The following EPS15 variants were observed in gnomAD, a reference collection of about 807,000 sequenced individuals.
EPS15 encodes epidermal growth factor receptor substrate 15.
EPS15 carries 72 observed loss-of-function variants against 113.8 expected under a neutral mutation model. That is an observed-to-expected ratio of 0.63 (90% CI 0.52 to 0.77). EPS15 has a LOEUF of 0.77. Ranked by LOEUF, EPS15 falls within the 30% of genes least tolerant of loss-of-function variation. The pLI is 0.00. For synonymous variants in EPS15, 344 were observed against 363.4 expected, an observed-to-expected ratio of 0.95 and a Z score of 0.61; for missense variants, 1,048 against 1,045.8, an observed-to-expected ratio of 1.00 and a Z score of -0.03.
At chr1:51,418,673 T>G (rs760192634) in intron 13 of EPS15, among the ~76,000 whole-genome samples, 1 of 151,974 alleles carries the variant, frequency 6.6e-6, no homozygotes, top group Non-Finnish European at 1.5e-5. Flanking sequence ...AATAAAGAGA[T>G]GATTGTAGGG....
chr1:51,482,483 G>GT (rs1174283397), intron 1 of EPS15, among the ~76,000 whole-genome samples: 2 of 152,088 alleles, frequency 1.3e-5, no homozygotes, highest in Non-Finnish European at 2.9e-5. Flanking sequence ...CCATTGTAGA[G>GT]TAAAAAAAAA....
chr1:51,459,690 C>T lies in EPS15; in HGVS notation c.561+1401G>A, dbSNP rs186619534. Among the ~76,000 whole-genome samples, 30 of 151,884 alleles carry T rather than the reference C, an allele frequency of 2.0e-4. No individual in the cohort carries two copies. The East Asian group carries it at 4.5e-3, about 23-fold the overall frequency. ...TAGACTATATTTTTCTAGTTATAAT[C>T]CAATCAGGTTGAAAGTATACATCAA... On this transcript the variant is annotated intron_variant, in intron 8 of 24. Transcript: ENST00000371733.
intron 20 of EPS15, among the ~76,000 whole-genome samples, chr1:51,394,730 TC>T (rs1469579202): frequency 6.6e-6 from 1 of 152,220 alleles, no homozygotes; most frequent in Non-Finnish European, 1.5e-5. Flanking sequence ...TGTAGTCATC[TC>T]CCAGGAAACT....
At chr1:51,462,619 G>A (rs536729662) in intron 7 of EPS15, among the ~76,000 whole-genome samples, 6 of 152,090 alleles carry the variant, frequency 3.9e-5, no homozygotes, top group Admixed American at 2.0e-4. Flanking sequence ...AGGAGAGATA[G>A]AAAAATAACA....
chr1:51,465,326 G>A lies in EPS15; in HGVS notation c.310C>T (p.His104Tyr). 1 of 1,602,960 alleles carries A rather than the reference G, an allele frequency of 6.2e-7. No homozygotes were observed. The highest frequency in any genetic ancestry group is 1.7e-5 in the Admixed American group (1 of 59,108). Residue 104 changes from histidine to tyrosine, a missense_variant and splice_region_variant, in exon 6 of 25, where the codon CAT (histidine) becomes TAT (tyrosine). Coordinates refer to ENST00000371733, the MANE Select transcript of EPS15 (RefSeq NM_001981.3). ...ATTAGCAAAGGACTACTGGTATCAT[G>A]CTATAGAAGAAAGTAAAGCACAACA... Reference protein sequence around the residue: ...LNLAVPPPRFHDTSSPLLISG... With the variant: ...LNLAVPPPRFYDTSSPLLISG...
chr1:51,438,491 T>A (rs1260257402), intron 12 of EPS15, among the ~76,000 whole-genome samples: 1 of 152,192 alleles, frequency 6.6e-6, no homozygotes, highest in African/African-American at 2.4e-5. Context: ...AAATTCATTA[T>A]AGAAATATTT....
rs570842498 is a variant in EPS15 at position 51,357,426 on chromosome 1, ATTT to A, written c.2545-583_2545-581del. Among the ~76,000 whole-genome samples, 423 of 53,504 alleles carry A rather than the reference ATTT, an allele frequency of 7.9e-3. 6 individuals carry two copies. Among genetic ancestry groups the A allele is most frequent in the East Asian group, 0.018 (23 of 1,272 alleles). 35.1% of individuals were successfully genotyped at this position (53,504 alleles called of 152,430 possible). ...TATATATATATATATATATATATAT[ATTT>A]TTTTTTTTTAAATGTGATATATATA... is the stretch of plus-strand genomic sequence containing the variant. On this transcript the variant is annotated intron_variant, in intron 24 of 24. Coordinates refer to ENST00000371733, the MANE Select transcript of EPS15 (RefSeq NM_001981.3).
intron 1 of EPS15, among the ~76,000 whole-genome samples, chr1:51,505,967 A>G (rs909942841): frequency 4.0e-5 from 6 of 151,826 alleles, no homozygotes; most frequent in African/African-American, 1.2e-4. Flanking sequence ...GCTCACTACA[A>G]CCTCTGCCTC....
rs113494479 is a variant in EPS15 at position 51,469,167 on chromosome 1, ATGATAT to A, written c.214-605_214-600del. Among the ~76,000 whole-genome samples, 1,074 of 152,256 alleles carry A rather than the reference ATGATAT, an allele frequency of 7.1e-3. 7 individuals carry two copies. Among genetic ancestry groups the A allele is most frequent in the African/African-American group, 0.025 (1,031 of 41,560 alleles). ...ACCAAAAAAAAACAAATAATATTTAATGATATTAAGAGATGTATTTTATCATTTAAA... is the reference window on the plus strand; with the variant it reads ...ACCAAAAAAAAACAAATAATATTTAATAAGAGATGTATTTTATCATTTAAA... On this transcript the variant is annotated intron_variant, in intron 4 of 24. Transcript: ENST00000371733.
At chr1:51,478,963 T>C (rs1643968610) in intron 2 of EPS15, among the ~76,000 whole-genome samples, 1 of 152,172 alleles carries the variant, frequency 6.6e-6, no homozygotes, top group Admixed American at 6.5e-5. Context: ...AGGAGTATCT[T>C]TGTGGCATTC....
chr1:51,454,144 C>T (rs72696145), intron 8 of EPS15, among the ~76,000 whole-genome samples: 4,571 of 151,224 alleles, frequency 0.03, 74 homozygotes, highest in African/African-American at 0.05. Context: ...TTTAATACAA[C>T]GTGATACACA....
chr1:51,404,724 T>C (rs1235248994), intron 16 of EPS15, among the ~76,000 whole-genome samples: 1 of 152,220 alleles, frequency 6.6e-6, no homozygotes. Flanking sequence ...TCTCATCTTC[T>C]GGCACTTTCT....
At chr1:51,517,532 A>G (rs1433392374) in intron 1 of EPS15, among the ~76,000 whole-genome samples, 1 of 152,220 alleles carries the variant, frequency 6.6e-6, no homozygotes, top group African/African-American at 2.4e-5. Flanking sequence ...TCTTCAAGGG[A>G]AAACTCCTGC....
chr1:51,508,260 G>A (rs1417593260), intron 1 of EPS15, among the ~76,000 whole-genome samples: 7 of 124,162 alleles, frequency 5.6e-5, no homozygotes, highest in South Asian at 2.5e-4. Flanking sequence ...GAGAGAGAGA[G>A]AGAGAGAGAG....
chr1:51,489,324 TA>T (rs1261889397), intron 1 of EPS15, among the ~76,000 whole-genome samples: 2 of 149,340 alleles, frequency 1.3e-5, no homozygotes, highest in Non-Finnish European at 3.0e-5. Flanking sequence ...TGTATGTATG[TA>T]TTTTTTTTTT....
At chr1:51,372,498 T>A in intron 21 of EPS15, 1 of 532,966 alleles carries the variant, frequency 1.9e-6, no homozygotes, top group Non-Finnish European at 3.8e-6. Flanking sequence ...GGAAAACATG[T>A]ATGGAATGTT....
In EPS15 at chr1:51,426,817, G is replaced by GTCTCTCTCTCTCTCTCTC. The variant is rs35528783; in HGVS notation, c.1041-4977_1041-4960dup. ...CTTAAAAATTTCTTAAAATAAATCTGTCTCTCTCTCTCTCTCTCTCTATAT... is the reference window on the plus strand; with the variant it reads ...CTTAAAAATTTCTTAAAATAAATCTGTCTCTCTCTCTCTCTCTCTCTCTCTCTCTCTCTCTCTCTATAT... On this transcript the variant is annotated intron_variant, in intron 12 of 24. Coordinates refer to ENST00000371733, the MANE Select transcript of EPS15 (RefSeq NM_001981.3). 2.1e-3 allele frequency among the ~76,000 whole-genome samples: 308 copies of GTCTCTCTCTCTCTCTCTC among 145,722 alleles called. 2 individuals are homozygous for GTCTCTCTCTCTCTCTCTC. The highest frequency in any genetic ancestry group is 7.6e-3 in the African/African-American group (293 of 38,340).
At chr1:51,508,282 AAGAG>A (rs1233949709) in intron 1 of EPS15, among the ~76,000 whole-genome samples, 26 of 142,284 alleles carry the variant, frequency 1.8e-4, no homozygotes, top group African/African-American at 5.7e-4. Context: ...GAAAGAGAGA[AAGAG>A]AGAAAGAGAG....
At position 51,356,661 on chromosome 1, in the gene EPS15, GA is replaced by G; in HGVS notation, c.*38del. 1.5e-5 allele frequency: 24 copies of G among 1,570,268 alleles called. No homozygotes were observed. Among genetic ancestry groups the G allele is most frequent in the Non-Finnish European group, 2.1e-5 (24 of 1,148,124 alleles). Reference sequence around the variant, plus strand: ...TGTAAATAGTTTCAGTATTCAGGAAGAAGAATACTATATTGTTGCCAAAGAA... The same window carrying G: ...TGTAAATAGTTTCAGTATTCAGGAAGAGAATACTATATTGTTGCCAAAGAA... On this transcript the variant is annotated 3_prime_UTR_variant, in exon 25 of 25. Coordinates refer to ENST00000371733, the MANE Select transcript of EPS15 (RefSeq NM_001981.3).
Sources: allele counts gnomAD v4.1 joint callset (sites outside exome capture counted in the v4.1 genomes callset), GRCh38; gene constraint gnomAD v4.1.1; transcripts MANE v1.5; gene names NCBI Gene and HGNC (gene_info 2026-07-23, HGNC 2026-07-21).